The following NRBP1 variants were observed in gnomAD, a reference collection of about 807,000 sequenced individuals.
The protein encoded by NRBP1 is nuclear receptor binding protein 1, also known as nuclear receptor-binding protein.
A neutral mutation model predicts 76.0 loss-of-function variants in NRBP1; 10 were observed. The ratio of observed to expected loss-of-function variants is 0.13; its 90% CI spans 0.08 to 0.22. The LOEUF (loss-of-function observed/expected upper bound fraction) is 0.22, where lower values mean the gene tolerates loss of function less well. NRBP1 is among the 10% of genes least tolerant of loss of function. The pLI is 1.00. For missense variants in NRBP1, 344 were observed against 646.0 expected, an observed-to-expected ratio of 0.53 and a Z score of 5.07; for synonymous variants, 235 against 240.2, an observed-to-expected ratio of 0.98 and a Z score of 0.20.
intron 7 of NRBP1, chr2:27,435,548 G>T: frequency 1.5e-6 from 1 of 651,226 alleles, no homozygotes; most frequent in Admixed American, 2.2e-5. Flanking sequence ...GTTCCAGGCT[G>T]TTCCTGCTGT....
At position 27,433,313 on chromosome 2, in the gene NRBP1, T is replaced by C; in HGVS notation, c.40T>C (p.Ser14Pro). 1 of 1,614,172 alleles carries C rather than the reference T, an allele frequency of 6.2e-7. No homozygotes were observed. The highest frequency in any genetic ancestry group is 8.5e-7 in the Non-Finnish European group (1 of 1,180,038). ...GTCCCAGACAGTACTTAGCAGTGGC[T>C]CAGACCCAAAGGTAGAATCCTCATC... ...GESQTVLSSG[S>P]DPKVESSSSA... The change falls in exon 2 of 18, where the codon TCA becomes CCA. Residue 14 changes from serine (S) to proline (P), a missense_variant. Around this residue, in one of 3 missense-constraint regions of NRBP1, gnomAD observed 53 missense variants for 48.4 expected, o/e 1.09. Coordinates refer to ENST00000379852, the MANE Select transcript of NRBP1 (RefSeq NM_013392.4).
chr2:27,430,629 C>G (rs1664076735), intron 1 of NRBP1, among the ~76,000 whole-genome samples: 1 of 151,920 alleles, frequency 6.6e-6, no homozygotes, highest in African/African-American at 2.4e-5. Flanking sequence ...GCCACCACAC[C>G]CTGCTAATTT....
chr2:27,433,223 T>G (rs1293819754), intron 1 of NRBP1, 31 bp from the exon 2 acceptor site: 1 of 1,486,022 alleles, frequency 6.7e-7, no homozygotes, highest in South Asian at 1.1e-5. Flanking sequence ...TTCTCTGCCT[T>G]TTCCCTCTGT....
In NRBP1 at chr2:27,428,672, C is replaced by T. The variant is rs886553972; in HGVS notation, c.-80C>T. ...GCAGCTGTGAGGGAGTCGCTGTGAT[C>T]CGGGGCCCCGGAACCCGAGCTGGAG... On this transcript the variant is annotated 5_prime_UTR_variant, in exon 1 of 18. Transcript: ENST00000379852. 7 of 398,088 alleles carry T rather than the reference C, an allele frequency of 1.8e-5. No homozygotes were observed. Among genetic ancestry groups the T allele is most frequent in the Admixed American group, 4.4e-5 (1 of 22,718 alleles). 24.7% of individuals were successfully genotyped at this position (398,088 alleles called of 1,614,324 possible).
In NRBP1 at chr2:27,441,780, C is replaced by T. The variant is rs1427251074; in HGVS notation, c.1576C>T (p.Leu526Phe). ...GTTCAATTTTGCCAGGAACAGTACC[C>T]TCAACTCAGCCGCTGTCACCGTCTC... is the stretch of plus-strand genomic sequence containing the variant. ...NKFNFARNSTLNSAAVTVSS is the reference protein window; with the variant it reads ...NKFNFARNSTFNSAAVTVSS Residue 526 changes from leucine to phenylalanine, a missense_variant, in exon 18 of 18, where the codon CTC (leucine) becomes TTC (phenylalanine). Leu to Phe is a conservative substitution (Grantham distance 22). Coordinates refer to ENST00000379852, the MANE Select transcript of NRBP1 (RefSeq NM_013392.4). The T allele has an allele frequency of 2.5e-6, 4 of 1,613,534 alleles. No individual in the cohort carries two copies. Among genetic ancestry groups the T allele is most frequent in the South Asian group, 2.2e-5 (2 of 91,076 alleles).
intron 16 of NRBP1, 21 bp downstream of exon 16, chr2:27,441,351 A>G: frequency 3.1e-6 from 5 of 1,610,068 alleles, no homozygotes; most frequent in South Asian, 1.1e-5. Context: ...CCTTTCCCTC[A>G]GAGGATGGAG....
chr2:27,440,240 G>A (rs779088491), intron 11 of NRBP1, 163 bp from the exon 12 acceptor site: 23 of 608,708 alleles, frequency 3.8e-5, no homozygotes, highest in Admixed American at 5.9e-5. Flanking sequence ...TTGAACTGGC[G>A]TCAAGTGATC....
intron 14 of NRBP1, 49 bp from the exon 15 acceptor site, chr2:27,441,078 G>T (rs771306761): frequency 6.2e-7 from 1 of 1,611,090 alleles, no homozygotes; most frequent in South Asian, 1.1e-5. Context: ...TCTAGGTATT[G>T]GGTTTTTTAT....
chr2:27,439,701 C>G lies in NRBP1; in HGVS notation c.904-65C>G, dbSNP rs571814521. ...AGCCTTGTGCTAAGTAGAATGAGAG[C>G]TATAAAGATGAACACACTGGGGGCT... On this transcript the variant is annotated intron_variant, in intron 10 of 17. Coordinates refer to ENST00000379852, the MANE Select transcript of NRBP1 (RefSeq NM_013392.4). The G allele has an allele frequency of 4.4e-6, 7 of 1,590,490 alleles. No individual in the cohort carries two copies. In the African/African-American group the frequency reaches 9.4e-5, roughly 21 times the overall value.
At chr2:27,435,101 G>C in intron 6 of NRBP1, 32 bp from the exon 7 acceptor site, 1 of 1,499,380 alleles carries the variant, frequency 6.7e-7, no homozygotes. Flanking sequence ...TAATTTCCCA[G>C]TGGCCCCTCT....
chr2:27,441,799 C>T lies in NRBP1; in HGVS notation c.1595C>T (p.Thr532Ile). 1 of 1,611,144 alleles carries T rather than the reference C, an allele frequency of 6.2e-7. No homozygotes were observed. Among genetic ancestry groups the T allele is most frequent in the Non-Finnish European group, 8.5e-7 (1 of 1,177,412 alleles). Reference protein sequence around the residue: ...RNSTLNSAAVTVSS With the variant: ...RNSTLNSAAVIVSS ...AGTACCCTCAACTCAGCCGCTGTCA[C>T]CGTCTCCTCTTAGAGCTCACTCGGG... The change falls in exon 18 of 18, where the codon ACC (threonine) becomes ATC (isoleucine). Residue 532 changes from threonine to isoleucine, a missense_variant. This residue lies in a region of NRBP1 where 218 missense variants were observed against 309.8 expected (regional missense o/e 0.70). Transcript: ENST00000379852.
intron 11 of NRBP1, 93 bp downstream of exon 11, chr2:27,439,991 GATTCT>G: frequency 5.6e-6 from 2 of 356,804 alleles, no homozygotes; most frequent in Non-Finnish European, 4.5e-6. Context: ...TTTCCAAAGG[GATTCT>G]TTTTTTTTTT....
chr2:27,437,233 A>AC (rs1664342024), intron 9 of NRBP1, 29 bp from the exon 10 acceptor site: 1 of 1,572,964 alleles, frequency 6.4e-7, no homozygotes, highest in African/African-American at 1.4e-5. Flanking sequence ...TTAGGTGTCT[A>AC]CTTTTTTTTT....
chr2:27,436,610 C>G, intron 7 of NRBP1, 143 bp from the exon 8 acceptor site: 1 of 672,464 alleles, frequency 1.5e-6, no homozygotes, highest in Admixed American at 2.3e-5. Flanking sequence ...TAGTTCAGGA[C>G]AGGAAAGGGA....
At chr2:27,437,204 T>A in intron 9 of NRBP1, 58 bp from the exon 10 acceptor site, 2 of 1,574,344 alleles carry the variant, frequency 1.3e-6, no homozygotes, top group Non-Finnish European at 1.7e-6. Context: ...AGGGAGTGAT[T>A]GTGGGAGCAC....
rs201636816 is a variant in NRBP1, at chr2:27,433,450, G to C, written c.177G>C (p.Ser59=). Residue 59 remains serine (S), a synonymous_variant, in exon 2 of 18, where the codon TCG becomes TCC. Transcript: ENST00000379852. ...SEDESEILEE[S]PCGRWQKRRE... ...ATGAGTCTGAGATTTTGGAAGAGTC[G>C]CCCTGTGGGCGCTGGCAGAAGAGGC... is the stretch of plus-strand genomic sequence containing the variant. The C allele has an allele frequency of 2.5e-6, 4 of 1,614,240 alleles. No individual in the cohort carries two copies. The highest frequency in any genetic ancestry group is 1.6e-4 in the Middle Eastern group (1 of 6,062).
intron 10 of NRBP1, among the ~76,000 whole-genome samples, chr2:27,438,545 A>C (rs895037918): frequency 6.6e-6 from 1 of 152,230 alleles, no homozygotes; most frequent in Non-Finnish European, 1.5e-5. Context: ...GTGTGGAGTA[A>C]GTTTCTACTT....
At chr2:27,439,995 CTTTTTTTTT>C (rs70953859) in intron 11 of NRBP1, 97 bp downstream of exon 11, 166 of 459,716 alleles carry the variant, frequency 3.6e-4, no homozygotes, top group Admixed American at 1.0e-3. Flanking sequence ...CAAAGGGATT[CTTTTTTTTT>C]TTTTTTTTTT....
At chr2:27,436,557 A>G in intron 7 of NRBP1, 196 bp from the exon 8 acceptor site, 1 of 576,456 alleles carries the variant, frequency 1.7e-6, no homozygotes. Context: ...GAGAAGCAGT[A>G]GGCCTAAGAA....
Sources: allele counts gnomAD v4.1 joint callset (sites outside exome capture counted in the v4.1 genomes callset), GRCh38; gene constraint gnomAD v4.1.1; regional missense constraint gnomAD v4.1.1; transcripts MANE v1.5; gene names NCBI Gene and HGNC (gene_info 2026-07-23, HGNC 2026-07-21).